Variants in GOLGA8K observed in about 807,000 individuals in gnomAD.
The protein encoded by GOLGA8K is golgin A8 family member K, also known as golgin subfamily A member 8K.
Under a neutral mutation model 75.2 loss-of-function variants are expected in GOLGA8K, and 12 were observed. The ratio of observed to expected loss-of-function variants is 0.16; its 90% confidence interval spans 0.10 to 0.26. The LOEUF (loss-of-function observed/expected upper bound fraction) is 0.26. Among genes scored for constraint, GOLGA8K ranks in the 10% least tolerant of loss-of-function variants. GOLGA8K has a pLI of 1.00. For synonymous variants in GOLGA8K, 48 were observed against 236.6 expected (o/e 0.20, Z 7.32); for missense variants, 109 against 640.8 (o/e 0.17, Z 8.96).
intron 13 of GOLGA8K, 95 bp downstream of exon 13, chr15:32,395,868 G>A: frequency 6.5e-7 from 1 of 1,547,818 alleles, no homozygotes; most frequent in Non-Finnish European, 8.7e-7. Context: ...CCCCCAGGCT[G>A]GAAGCTGCCT....
Position 32,397,015 on chromosome 15 carries a change from A to C in GOLGA8K, c.787-8T>G, listed in dbSNP as rs1485445005. On this transcript the variant is annotated splice_polypyrimidine_tract_variant and splice_region_variant and intron_variant, in intron 10 of 18. Coordinates refer to ENST00000512626, the MANE Select transcript of GOLGA8K (RefSeq NM_001282493.2). ...TTTCTTTAATGTGCAAATCTGCCCA[A>C]AGCACAAGGGGAAAGGGCCTTGGAG... 1.7e-6 allele frequency: 1 copy of C among 596,176 alleles called. No homozygotes were observed. Among genetic ancestry groups the C allele is most frequent in the East Asian group, 2.9e-5 (1 of 34,236 alleles). 36.9% of individuals were successfully genotyped at this position (596,176 alleles called of 1,614,324 possible). A position where few individuals can be genotyped will look rare whatever the true frequency, so the allele number is the denominator to read the frequency against.
intron 8 of GOLGA8K, 91 bp from the exon 9 acceptor site, chr15:32,397,594 A>G: frequency 4.9e-6 from 7 of 1,421,278 alleles, no homozygotes; most frequent in Non-Finnish European, 6.9e-6. Context: ...GGCCCAATAT[A>G]CAACTCGGTC....
chr15:32,390,163 TC>T lies in GOLGA8K; in HGVS notation c.*2618del, dbSNP rs1471680180. Among the ~76,000 whole-genome samples the T allele has an allele frequency of 1.2e-5, 1 of 85,860 alleles. No individual in the cohort carries two copies. The highest frequency in any genetic ancestry group is 2.5e-5 in the Non-Finnish European group (1 of 40,710). The allele number at this position is 85,860 out of a possible 152,430, so 56.3% of individuals were successfully genotyped here. A position where few individuals can be genotyped will look rare whatever the true frequency, so the allele number is the denominator to read the frequency against. On this transcript the variant is annotated 3_prime_UTR_variant, in exon 19 of 19. Coordinates refer to ENST00000512626, the MANE Select transcript of GOLGA8K (RefSeq NM_001282493.2). ...CTATGTTTCTGATGAACTCTAACAT[TC>T]CAATGTTGCCTTCTAAGCAAACTGA... is the stretch of plus-strand genomic sequence containing the variant.
At chr15:32,394,822 C>G in intron 13 of GOLGA8K, 82 bp from the exon 14 acceptor site, 1 of 1,360,586 alleles carries the variant, frequency 7.3e-7, no homozygotes, top group Non-Finnish European at 1.0e-6. Flanking sequence ...AGCTCCCTCC[C>G]CTGGGTCTCC....
In GOLGA8K at chr15:32,394,188, G is replaced by A. The variant is rs1464952387; in HGVS notation, c.1322C>T (p.Pro441Leu). The A allele has an allele frequency of 5.7e-6, 8 of 1,398,036 alleles. 1 individual carries two copies. The African/African-American group carries it at 7.8e-5, about 14-fold the overall frequency. The allele number at this position is 1,398,036 out of a possible 1,614,324, so 86.6% of individuals were successfully genotyped here. Reference protein sequence around the residue: ...LDSEGEEAPQPMPSVPEDLES... With the variant: ...LDSEGEEAPQLMPSVPEDLES... ...CAGGTCCTCTGGGACACTCGGCATG[G>A]GCTGAGGTGCCTCCTCCCCCTCACT... The change falls in exon 15 of 19, where the codon CCC becomes CTC. Residue 441 changes from proline to leucine, a missense_variant. Pro to Leu is a moderately conservative substitution (Grantham distance 98). Transcript: ENST00000512626.
At chr15:32,398,209 T>C (rs1595670562) in intron 8 of GOLGA8K, among the ~76,000 whole-genome samples, 9 of 144,282 alleles carry the variant, frequency 6.2e-5, no homozygotes, top group African/African-American at 2.3e-4. Flanking sequence ...CGTTTCCTCT[T>C]TCTACAGAAA....
At chr15:32,396,781 A>C in intron 11 of GOLGA8K, 139 bp downstream of exon 11, 1 of 584,934 alleles carries the variant, frequency 1.7e-6, no homozygotes. Flanking sequence ...AGATGACAAG[A>C]CTCGCCGTCT....
Position 32,397,398 on chromosome 15 carries a change from C to A in GOLGA8K, c.678+19G>T, listed in dbSNP as rs1566976047. 8.3e-7 allele frequency: 1 copy of A among 1,207,772 alleles called. No homozygotes were observed. The highest frequency in any genetic ancestry group is 1.2e-6 in the Non-Finnish European group (1 of 831,620). 74.8% of individuals were successfully genotyped at this position (1,207,772 alleles called of 1,614,324 possible). On this transcript the variant is annotated intron_variant, in intron 9 of 18. Transcript: ENST00000512626. ...CTGGGGTCATCTTCCTTCCACATAACTCCCTCAGAAAACCTCACCTGTGTC... is the reference window on the plus strand; with the variant it reads ...CTGGGGTCATCTTCCTTCCACATAAATCCCTCAGAAAACCTCACCTGTGTC...
chr15:32,397,564 C>T (rs566659017), intron 8 of GOLGA8K, 61 bp from the exon 9 acceptor site: 1 of 1,492,276 alleles, frequency 6.7e-7, no homozygotes, highest in African/African-American at 1.4e-5. Context: ...ACACAGTGCC[C>T]CTTAACAGGG....
chr15:32,401,569 A>G, intron 1 of GOLGA8K, 94 bp from the exon 2 acceptor site: 2 of 740,584 alleles, frequency 2.7e-6, no homozygotes, highest in Middle Eastern at 4.4e-4. Flanking sequence ...CTTACACACC[A>G]TCTGATTTAA....
At chr15:32,396,696 A>G (rs1262468085) in intron 11 of GOLGA8K, among the ~76,000 whole-genome samples, 153 bp from the exon 12 acceptor site, 2 of 148,962 alleles carry the variant, frequency 1.3e-5, no homozygotes, top group African/African-American at 4.9e-5. Context: ...AAGCACTTTC[A>G]GAGAAAGAGC....
rs2054532409 is a variant in GOLGA8K at position 32,391,190 on chromosome 15, G to A, written c.*1592C>T. Reference sequence around the variant, plus strand: ...CCAAGCATCATCAAGTTACGATTTAGGCAATATATAACTGAAATGTATTCA... The same window carrying A: ...CCAAGCATCATCAAGTTACGATTTAAGCAATATATAACTGAAATGTATTCA... On this transcript the variant is annotated 3_prime_UTR_variant, in exon 19 of 19. Transcript: ENST00000512626. 1.8e-5 allele frequency among the ~76,000 whole-genome samples: 1 copy of A among 54,560 alleles called. No individual in the cohort carries two copies. Among genetic ancestry groups the A allele is most frequent in the South Asian group, 9.3e-4 (1 of 1,074 alleles). The allele number at this position is 54,560 out of a possible 152,430, so 35.8% of individuals were successfully genotyped here.
intron 13 of GOLGA8K, 43 bp from the exon 14 acceptor site, chr15:32,394,783 G>A (rs758610285): frequency 1.4e-5 from 20 of 1,472,136 alleles, no homozygotes; most frequent in Middle Eastern, 2.3e-4. Context: ...AGTTTGCCAG[G>A]TCATCCCCCT....
chr15:32,395,028 T>C (rs1405094028), intron 13 of GOLGA8K, among the ~76,000 whole-genome samples: 5 of 149,314 alleles, frequency 3.3e-5, no homozygotes, highest in African/African-American at 1.2e-4. Context: ...ACTCTGAGCC[T>C]CTTGGCTCTT....
chr15:32,395,913 C>T lies in GOLGA8K; in HGVS notation c.1200+50G>A, dbSNP rs1275824852. ...CACCTCCCCTCCCAAGAGGCTGCTG[C>T]CCGCCTCCCAGCCCTTCTTGGATGG... On this transcript the variant is annotated intron_variant, in intron 13 of 18. Coordinates refer to ENST00000512626, the MANE Select transcript of GOLGA8K (RefSeq NM_001282493.2). The T allele has an allele frequency of 4.0e-6, 6 of 1,518,176 alleles. 1 individual carries two copies. In the East Asian group the frequency reaches 9.5e-5, roughly 24 times the overall value. The allele number at this position is 1,518,176 out of a possible 1,614,324, so 94.0% of individuals were successfully genotyped here.
intron 14 of GOLGA8K, 124 bp from the exon 15 acceptor site, chr15:32,394,357 T>C (rs2054577303): frequency 1.5e-6 from 1 of 660,754 alleles, no homozygotes; most frequent in Non-Finnish European, 2.5e-6. Flanking sequence ...AATGAGCTGT[T>C]GTTCTTTATT....
rs1403337467 is a variant in GOLGA8K at position 32,392,607 on chromosome 15, ACACC to A, written c.*171_*174del. ...GAGTGAACATCAGTGAGAGCCACAGACACCCACTCTCTTTTAACTTTTTACAAAT... is the reference window on the plus strand; with the variant it reads ...GAGTGAACATCAGTGAGAGCCACAGACACTCTCTTTTAACTTTTTACAAAT... On this transcript the variant is annotated 3_prime_UTR_variant, in exon 19 of 19. Coordinates refer to ENST00000512626, the MANE Select transcript of GOLGA8K (RefSeq NM_001282493.2). Among the ~76,000 whole-genome samples the A allele has an allele frequency of 1.3e-5, 1 of 74,670 alleles. No homozygotes were observed. The highest frequency in any genetic ancestry group is 3.0e-5 in the Non-Finnish European group (1 of 33,160). 49.0% of individuals were successfully genotyped at this position (74,670 alleles called of 152,430 possible).
At chr15:32,395,013 T>A (rs1250615537) in intron 13 of GOLGA8K, among the ~76,000 whole-genome samples, 1 of 149,680 alleles carries the variant, frequency 6.7e-6, no homozygotes, top group Non-Finnish European at 1.5e-5. Context: ...TGGCTGCTGC[T>A]GCAGACTCTG....
rs1347284970 is a variant in GOLGA8K, at chr15:32,394,953, A to G, written c.1201-213T>C. On this transcript the variant is annotated intron_variant, in intron 13 of 18. Transcript: ENST00000512626. The stretch of plus-strand genomic sequence containing the variant: ...GTACAGCGCCTCCTTCTCACAGGTC[A>G]GCTGCTGATAGGTGGCCACGTACTG... Among the ~76,000 whole-genome samples the G allele has an allele frequency of 6.7e-5, 10 of 149,760 alleles. 1 individual carries two copies. The highest frequency in any genetic ancestry group is 2.0e-4 in the Admixed American group (3 of 14,688).
Sources: allele counts gnomAD v4.1 joint callset (sites outside exome capture counted in the v4.1 genomes callset), GRCh38; gene constraint gnomAD v4.1.1; transcripts MANE v1.5; gene names NCBI Gene and HGNC (gene_info 2026-07-23, HGNC 2026-07-21).